Variants in LRRC49 observed in about 807,000 individuals in gnomAD.
LRRC49 encodes the protein leucine rich repeat containing 49, also known as leucine-rich repeat-containing protein 49.
LRRC49 carries 50 observed loss-of-function variants against 83.3 expected under a neutral mutation model. The observed-to-expected ratio is 0.60, with a 90% CI of 0.48 to 0.76. The LOEUF is 0.76. Among genes scored for constraint, LRRC49 ranks in the 30% least tolerant of loss-of-function variants. The probability of loss-of-function intolerance (pLI) is 0.00; values close to 1 mark genes in which losing one functional copy is unlikely to be tolerated. For synonymous variants in LRRC49, 286 were observed against 283.3 expected (o/e 1.01, Z -0.10); for missense variants, 704 against 809.1 (o/e 0.87, Z 1.58).
intron 8 of LRRC49, among the ~76,000 whole-genome samples, chr15:70,949,046 T>G (rs2036116066): frequency 6.6e-6 from 1 of 152,200 alleles, no homozygotes. Context: ...AAATTTGTAT[T>G]TCATATCATT....
chr15:71,022,918 A>C (rs1216053092), intron 14 of LRRC49, among the ~76,000 whole-genome samples: 15 of 152,234 alleles, frequency 9.9e-5, no homozygotes, highest in Non-Finnish European at 1.5e-5. Context: ...AGCAAATGTC[A>C]AGAGATTGCA....
chr15:70,982,381 T>C (rs1458894281), intron 10 of LRRC49, among the ~76,000 whole-genome samples: 1 of 152,116 alleles, frequency 6.6e-6, no homozygotes. Flanking sequence ...TGGGTTGGCA[T>C]AGTCATCAGC....
At chr15:70,982,814 TA>T (rs1194611369) in intron 10 of LRRC49, among the ~76,000 whole-genome samples, 1 of 152,246 alleles carries the variant, frequency 6.6e-6, no homozygotes, top group Non-Finnish European at 1.5e-5. Flanking sequence ...ATAGAACTTT[TA>T]AAACTTTAGT....
intron 15 of LRRC49, among the ~76,000 whole-genome samples, chr15:71,045,409 G>A (rs1213770757): frequency 6.6e-6 from 1 of 152,110 alleles, no homozygotes; most frequent in East Asian, 1.9e-4. Context: ...GTCTACCTTC[G>A]TATTTTTTAA....
chr15:70,977,803 T>A (rs1478346895), intron 9 of LRRC49, among the ~76,000 whole-genome samples: 1 of 152,022 alleles, frequency 6.6e-6, no homozygotes, highest in Non-Finnish European at 1.5e-5. Context: ...CTATCTAAAA[T>A]CAGTAAAATT....
chr15:71,010,334 A>C (rs1400460668), intron 13 of LRRC49, among the ~76,000 whole-genome samples: 1 of 152,026 alleles, frequency 6.6e-6, no homozygotes, highest in Non-Finnish European at 1.5e-5. Context: ...TATTTCTCAA[A>C]GTACTTTGCA....
At chr15:70,981,364 A>G (rs2037391633) in intron 10 of LRRC49, among the ~76,000 whole-genome samples, 1 of 137,146 alleles carries the variant, frequency 7.3e-6, no homozygotes, top group Admixed American at 7.3e-5. Context: ...GGGCTAGGGG[A>G]CGGATAGCAT....
At chr15:70,864,206 G>T (rs934760752) in intron 1 of LRRC49, among the ~76,000 whole-genome samples, 1 of 152,156 alleles carries the variant, frequency 6.6e-6, no homozygotes, top group African/African-American at 2.4e-5. Context: ...ACATTAGTGG[G>T]TAAAAGGGCT....
intron 5 of LRRC49, chr15:70,908,719 C>T (rs2034421859): frequency 6.6e-6 from 1 of 152,256 alleles, no homozygotes; most frequent in South Asian, 2.1e-4. Context: ...AATTATGCCT[C>T]CGTATTAGCA....
chr15:70,992,201 A>T (rs776727851), intron 11 of LRRC49, among the ~76,000 whole-genome samples: 1 of 152,168 alleles, frequency 6.6e-6, no homozygotes, highest in Non-Finnish European at 1.5e-5. Context: ...TATTCTAGTT[A>T]GCTATTTGTC....
At chr15:71,010,130 A>T in intron 13 of LRRC49, 138 bp downstream of exon 13, 1 of 489,864 alleles carries the variant, frequency 2.0e-6, no homozygotes, top group Non-Finnish European at 3.4e-6. Flanking sequence ...GACATTTAAA[A>T]TGTCAAAAGG....
At chr15:70,873,272 T>C in intron 2 of LRRC49, 2 of 1,520,122 alleles carry the variant, frequency 1.3e-6, no homozygotes, top group African/African-American at 1.4e-5. Context: ...AATTATACTC[T>C]GCTATCCCCT....
rs375422246 is a variant in LRRC49, at chr15:70,860,080, C to G, written c.-299+6611C>G. 6 of 730,674 alleles carry G rather than the reference C, an allele frequency of 8.2e-6. No homozygotes were observed. In the East Asian group the frequency reaches 1.5e-4, roughly 18 times the overall value. 45.3% of individuals were successfully genotyped at this position (730,674 alleles called of 1,614,324 possible). On this transcript the variant is annotated intron_variant, in intron 1 of 16. Transcript: ENST00000544974. The stretch of plus-strand genomic sequence containing the variant: ...GCTCCAGCTCCTTCAGCCGCACCGG[C>G]TCCACCAGGGCTGTGGTTGAAGAAG...
chr15:70,875,303 C>T (rs982238760), intron 2 of LRRC49, among the ~76,000 whole-genome samples: 7 of 152,082 alleles, frequency 4.6e-5, no homozygotes, highest in African/African-American at 1.7e-4. Flanking sequence ...TGAGAGGCCA[C>T]AAAAGAGACT....
chr15:71,032,819 T>C (rs1414372706), intron 14 of LRRC49, among the ~76,000 whole-genome samples: 1 of 152,216 alleles, frequency 6.6e-6, no homozygotes, highest in East Asian at 1.9e-4. Context: ...CATCCCTTCA[T>C]GTTAAAAACT....
intron 9 of LRRC49, among the ~76,000 whole-genome samples, chr15:70,970,742 T>C (rs2036965319): frequency 1.3e-5 from 2 of 152,208 alleles, no homozygotes; most frequent in African/African-American, 4.8e-5. Flanking sequence ...AATTTATCTG[T>C]TTCTTCTAGA....
chr15:71,023,351 A>T (rs2039052816), intron 14 of LRRC49, among the ~76,000 whole-genome samples: 2 of 152,256 alleles, frequency 1.3e-5, no homozygotes, highest in African/African-American at 4.8e-5. Context: ...GTGATAACAA[A>T]TGTGTACAGA....
At chr15:70,982,907 T>C (rs1211229848) in intron 10 of LRRC49, among the ~76,000 whole-genome samples, 2 of 152,236 alleles carry the variant, frequency 1.3e-5, no homozygotes, top group African/African-American at 4.8e-5. Context: ...CCAAAAATTA[T>C]GCAAACATAT....
Position 70,912,598 on chromosome 15 carries a change from A to G in LRRC49, c.567+1000A>G, listed in dbSNP as rs578209317. 3.4e-4 allele frequency among the ~76,000 whole-genome samples: 51 copies of G among 152,072 alleles called. No homozygotes were observed. The Middle Eastern group carries it at 0.01, about 31-fold the overall frequency. ...TTTGATTTCTATTTTCCTGATTACT[A>G]TATAATCTGGGCTCCCAATTATGTT... On this transcript the variant is annotated intron_variant, in intron 6 of 15. Transcript: ENST00000260382.
Sources: gnomAD v4.1 joint callset for allele counts (sites outside exome capture counted in the v4.1 genomes callset) on GRCh38, gnomAD v4.1.1 for gene constraint, MANE v1.5 for transcripts, NCBI Gene and HGNC (gene_info 2026-07-23, HGNC 2026-07-21) for gene names.